Variants in SLC2A13 observed in about 807,000 individuals in gnomAD.
The protein encoded by SLC2A13 is proton myo-inositol cotransporter.
In SLC2A13, 32 loss-of-function variants were observed where a neutral mutation model predicts 64.4. The ratio of observed to expected loss-of-function variants is 0.50; its 90% CI spans 0.37 to 0.67. The LOEUF (loss-of-function observed/expected upper bound fraction) is 0.67. Ranked by LOEUF, SLC2A13 falls within the 30% of genes least tolerant of loss-of-function variation. The pLI is 0.00. For missense variants in SLC2A13, 743 were observed against 829.2 expected (o/e 0.90, Z 1.28); for synonymous variants, 338 against 327.1 (o/e 1.03, Z -0.36).
intron 2 of SLC2A13, among the ~76,000 whole-genome samples, chr12:40,042,448 GA>G (rs1271567419): frequency 2.0e-5 from 3 of 152,006 alleles, no homozygotes; most frequent in African/African-American, 7.2e-5. Context: ...ATATTCTCTT[GA>G]AGGAGATAAA....
intron 1 of SLC2A13, among the ~76,000 whole-genome samples, chr12:40,062,439 A>T (rs1948437595): frequency 6.6e-6 from 1 of 152,094 alleles, no homozygotes; most frequent in Non-Finnish European, 1.5e-5. Context: ...ATGGATACTG[A>T]TGTAAAGAAG....
chr12:40,081,515 T>C (rs1052041995), intron 1 of SLC2A13, among the ~76,000 whole-genome samples: 1 of 152,206 alleles, frequency 6.6e-6, no homozygotes, highest in Admixed American at 6.5e-5. Context: ...GAAATTCTTG[T>C]AGATTTTCAC....
intron 2 of SLC2A13, among the ~76,000 whole-genome samples, chr12:40,046,761 C>G (rs1948177660): frequency 6.6e-6 from 1 of 152,034 alleles, no homozygotes; most frequent in Admixed American, 6.6e-5. Context: ...TCATTAGCTT[C>G]AAAGAGTTTT....
chr12:39,892,478 G>C (rs1592248336), intron 4 of SLC2A13, among the ~76,000 whole-genome samples: 1 of 152,188 alleles, frequency 6.6e-6, no homozygotes, highest in Admixed American at 6.5e-5. Context: ...GACTTGATCT[G>C]TGCAACTACT....
intron 7 of SLC2A13, among the ~76,000 whole-genome samples, chr12:39,783,983 A>C (rs1280180380): frequency 6.6e-6 from 1 of 152,228 alleles, no homozygotes; most frequent in African/African-American, 2.4e-5. Flanking sequence ...CAATTGCTTC[A>C]AAGAGAATAA....
At position 39,862,725 on chromosome 12, in the gene SLC2A13, G is replaced by A. The variant is rs1298549600; in HGVS notation, c.1319+2037C>T. ...GATGGTTTTTATTCTTAATTATTGT[G>A]TATGCATAATAGTGGACCATATTTA... On this transcript the variant is annotated intron_variant, in intron 6 of 9. Transcript: ENST00000280871. Among the ~76,000 whole-genome samples the A allele has an allele frequency of 4.6e-5, 7 of 152,044 alleles. No individual in the cohort carries two copies. The East Asian group carries it at 1.4e-3, about 29-fold the overall frequency.
chr12:39,835,457 G>T (rs750371246), intron 6 of SLC2A13, among the ~76,000 whole-genome samples: 3 of 152,060 alleles, frequency 2.0e-5, no homozygotes, highest in Non-Finnish European at 4.4e-5. Context: ...ATTTATAAGA[G>T]AAATGAATAT....
chr12:40,027,278 C>T (rs1370659989), intron 3 of SLC2A13, among the ~76,000 whole-genome samples: 1 of 152,142 alleles, frequency 6.6e-6, no homozygotes, highest in Non-Finnish European at 1.5e-5. Flanking sequence ...TCTAGAAATG[C>T]TGACATTGCT....
intron 1 of SLC2A13, among the ~76,000 whole-genome samples, chr12:40,104,264 G>A (rs1939231546): frequency 6.6e-6 from 1 of 152,158 alleles, no homozygotes; most frequent in Non-Finnish European, 1.5e-5. Context: ...AAAATTACTA[G>A]TGAGATTTAA....
At chr12:39,880,589 A>C (rs575658268) in intron 4 of SLC2A13, among the ~76,000 whole-genome samples, 1 of 152,358 alleles carries the variant, frequency 6.6e-6, no homozygotes, top group East Asian at 1.9e-4. Context: ...TTTACTTATT[A>C]ATCACATTTA....
chr12:39,937,114 G>A (rs1320974032), intron 4 of SLC2A13, among the ~76,000 whole-genome samples: 2 of 152,184 alleles, frequency 1.3e-5, no homozygotes, highest in East Asian at 3.9e-4. Flanking sequence ...GCCAAGTGAT[G>A]AGAGCCTGGA....
At chr12:39,937,894 A>C (rs754313803) in intron 4 of SLC2A13, among the ~76,000 whole-genome samples, 29 of 152,338 alleles carry the variant, frequency 1.9e-4, no homozygotes, top group Non-Finnish European at 3.7e-4. Context: ...TGAAAAGAAC[A>C]TATCTAATAT....
chr12:40,092,169 G>GT (rs1390664952), intron 1 of SLC2A13, among the ~76,000 whole-genome samples: 1 of 152,196 alleles, frequency 6.6e-6, no homozygotes, highest in Non-Finnish European at 1.5e-5. Context: ...GGTTTATGGG[G>GT]TAAGATTAAA....
chr12:39,932,494 A>G (rs1945843615), intron 4 of SLC2A13, among the ~76,000 whole-genome samples: 1 of 152,248 alleles, frequency 6.6e-6, no homozygotes, highest in African/African-American at 2.4e-5. Flanking sequence ...TCATGCAACC[A>G]GTATTTTTTG....
intron 3 of SLC2A13, among the ~76,000 whole-genome samples, chr12:39,964,642 A>G (rs1946474677): frequency 6.6e-6 from 1 of 152,236 alleles, no homozygotes; most frequent in South Asian, 2.1e-4. Flanking sequence ...GAAGATGCAT[A>G]CATGAATTTG....
intron 9 of SLC2A13, among the ~76,000 whole-genome samples, 193 bp from the exon 10 acceptor site, chr12:39,760,445 C>A (rs1659319622): frequency 6.6e-6 from 1 of 151,892 alleles, no homozygotes; most frequent in African/African-American, 2.4e-5. Flanking sequence ...ATGTATCTTT[C>A]TAAACTCAAG....
intron 2 of SLC2A13, among the ~76,000 whole-genome samples, chr12:40,038,355 A>T (rs1450581842): frequency 6.6e-6 from 1 of 152,174 alleles, no homozygotes; most frequent in Non-Finnish European, 1.5e-5. Flanking sequence ...CAGGGGGCAT[A>T]TATTTCATTT....
intron 7 of SLC2A13, among the ~76,000 whole-genome samples, chr12:39,779,965 T>C (rs1446108835): frequency 1.3e-5 from 2 of 152,234 alleles, no homozygotes; most frequent in African/African-American, 4.8e-5. Context: ...ACTTTCTTTA[T>C]TGGATTCTTT....
At chr12:39,910,041 A>C (rs774078553) in intron 4 of SLC2A13, among the ~76,000 whole-genome samples, 2 of 152,030 alleles carry the variant, frequency 1.3e-5, no homozygotes, top group Non-Finnish European at 2.9e-5. Flanking sequence ...GGGTCCTTAG[A>C]TACATTAGTG....
Sources: gnomAD v4.1 joint callset for allele counts (sites outside exome capture counted in the v4.1 genomes callset) on GRCh38, gnomAD v4.1.1 for gene constraint, MANE v1.5 for transcripts, NCBI Gene and HGNC (gene_info 2026-07-23, HGNC 2026-07-21) for gene names.